CCDC88A: variants seen among roughly 807,000 people sequenced by gnomAD.
CCDC88A encodes the protein coiled-coil and HOOK domain protein 88A.
CCDC88A carries 54 observed loss-of-function variants against 234.3 expected under a neutral mutation model. That is an observed-to-expected ratio of 0.23 (90% CI 0.19 to 0.29). The LOEUF (loss-of-function observed/expected upper bound fraction) is 0.29. Ranked by LOEUF, CCDC88A falls within the 10% of genes least tolerant of loss-of-function variation. The probability of loss-of-function intolerance (pLI) is 1.00; values close to 1 mark genes in which losing one functional copy is unlikely to be tolerated. For synonymous variants in CCDC88A, 753 were observed against 737.8 expected (o/e 1.02, Z -0.33); for missense variants, 1,832 against 2,123.4 (o/e 0.86, Z 2.70).
chr2:55,354,138 T>A (rs1670251779), intron 8 of CCDC88A, among the ~76,000 whole-genome samples: 1 of 133,076 alleles, frequency 7.5e-6, no homozygotes, highest in Non-Finnish European at 1.5e-5. Flanking sequence ...AGATAAAAAA[T>A]GGTACTTTTT....
At chr2:55,308,517 A>G in intron 25 of CCDC88A, 1 of 302,496 alleles carries the variant, frequency 3.3e-6, no homozygotes, top group South Asian at 5.1e-5. Context: ...CAAAGGTAAA[A>G]GGCTTGCCCA....
intron 3 of CCDC88A, among the ~76,000 whole-genome samples, chr2:55,384,390 A>G (rs1028700474): frequency 2.7e-5 from 4 of 150,178 alleles, no homozygotes; most frequent in African/African-American, 4.9e-5. Flanking sequence ...TCCTGGCACT[A>G]GAACTATGTC....
At chr2:55,294,977 A>G (rs1679852060) in intron 31 of CCDC88A, 1 of 1,198,458 alleles carries the variant, frequency 8.3e-7, no homozygotes, top group African/African-American at 1.6e-5. Context: ...TAGCCAAATG[A>G]TATTTTGTTA....
chr2:55,370,746 G>C (rs546398059), intron 5 of CCDC88A, among the ~76,000 whole-genome samples: 1 of 150,654 alleles, frequency 6.6e-6, no homozygotes, highest in African/African-American at 2.4e-5. Context: ...GGTGGCTCAT[G>C]CCTGTAATCC....
chr2:55,386,692 G>A (rs895148493), intron 3 of CCDC88A, among the ~76,000 whole-genome samples: 16 of 151,092 alleles, frequency 1.1e-4, no homozygotes, highest in South Asian at 4.2e-4. Context: ...GGCTGGTCTC[G>A]AACTCCTGAC....
Position 55,339,446 on chromosome 2 carries a change from C to A in CCDC88A, c.1518+18G>T. On this transcript the variant is annotated intron_variant, in intron 13 of 32. Transcript: ENST00000436346. ...CAAGTTTTTTTAACATTAAAATAAACACTACATTTTAATTTACCTTTTTAC... is the reference window on the plus strand; with the variant it reads ...CAAGTTTTTTTAACATTAAAATAAAAACTACATTTTAATTTACCTTTTTAC... 1.4e-6 allele frequency: 2 copies of A among 1,464,460 alleles called. No homozygotes were observed. Among genetic ancestry groups the A allele is most frequent in the East Asian group, 2.3e-5 (1 of 42,670 alleles). 90.7% of individuals were successfully genotyped at this position (1,464,460 alleles called of 1,614,324 possible).
chr2:55,336,116 C>T (rs1685436035), intron 14 of CCDC88A, among the ~76,000 whole-genome samples: 1 of 152,022 alleles, frequency 6.6e-6, no homozygotes, highest in South Asian at 2.1e-4. Flanking sequence ...ATTGCTTGAG[C>T]CTAGGTGTTC....
In CCDC88A at chr2:55,309,214, C is replaced by T; in HGVS notation, c.4120G>A (p.Glu1374Lys). 6.4e-7 allele frequency: 1 copy of T among 1,550,626 alleles called. No individual in the cohort carries two copies. The highest frequency in any genetic ancestry group is 1.4e-5 in the African/African-American group (1 of 73,882). Residue 1374 changes from glutamate (E) to lysine (K), a missense_variant, in exon 24 of 33, where the codon GAA (glutamate) becomes AAA (lysine). Glu to Lys is a moderately conservative substitution (Grantham distance 56). This residue lies in a region of CCDC88A where 1,282 missense variants were observed against 1,543.6 expected (regional missense o/e 0.83). Coordinates refer to ENST00000436346, the MANE Select transcript of CCDC88A (RefSeq NM_001365480.1). This position sits in a 1 kb window ranked among gnomAD's most constrained non-coding sequence, Gnocchi z 5.1. ...NELRRQKEKL[E>K]EKIMDQYKFY... ...TTGTATTGATCCATAATTTTCTCTT[C>T]TAGTTTCTCCTTCTGACGTCTTAAT...
At chr2:55,400,664 G>A (rs1358275066) in intron 2 of CCDC88A, among the ~76,000 whole-genome samples, 1 of 152,148 alleles carries the variant, frequency 6.6e-6, no homozygotes, top group East Asian at 1.9e-4. Context: ...GTATGATCAA[G>A]GATTATATCT....
chr2:55,388,131 C>T (rs554570107), intron 3 of CCDC88A, among the ~76,000 whole-genome samples: 1 of 152,152 alleles, frequency 6.6e-6, no homozygotes. Context: ...CAACGACATA[C>T]TAGGCCAAGC....
At chr2:55,373,005 A>C (rs2104823995) in intron 4 of CCDC88A, among the ~76,000 whole-genome samples, 1 of 152,358 alleles carries the variant, frequency 6.6e-6, no homozygotes, top group East Asian at 1.9e-4. Flanking sequence ...CCAGAATCTT[A>C]AATGTCTGTT....
At chr2:55,370,750 G>A (rs1305071781) in intron 5 of CCDC88A, among the ~76,000 whole-genome samples, 1 of 150,126 alleles carries the variant, frequency 6.7e-6, no homozygotes, top group Admixed American at 6.7e-5. Context: ...GCTCATGCCT[G>A]TAATCCCAGT....
At position 55,413,225 on chromosome 2, in the gene CCDC88A, C is replaced by A. The variant is rs1442789386; in HGVS notation, c.164+5591G>T. 2.6e-5 allele frequency among the ~76,000 whole-genome samples: 4 copies of A among 151,832 alleles called. 1 individual carries two copies. Among genetic ancestry groups the A allele is most frequent in the African/African-American group, 7.2e-5 (3 of 41,414 alleles). ...CCTGTCTCAAAAACAAACAAACAAA[C>A]AAAAAAACTAAGCTGTGAACTATCA... is the stretch of plus-strand genomic sequence containing the variant. On this transcript the variant is annotated intron_variant, in intron 2 of 32. Transcript: ENST00000436346.
chr2:55,306,602 T>C (rs1335385568), intron 25 of CCDC88A, among the ~76,000 whole-genome samples: 3 of 152,200 alleles, frequency 2.0e-5, no homozygotes, highest in Non-Finnish European at 1.5e-5. Context: ...TTTAATTTTT[T>C]TGAGACAAAG....
intron 25 of CCDC88A, among the ~76,000 whole-genome samples, chr2:55,306,917 A>C (rs1681652938): frequency 6.6e-6 from 1 of 152,154 alleles, no homozygotes; most frequent in African/African-American, 2.4e-5. Context: ...ACCCTAAAAT[A>C]CTATGTTTCC....
intron 12 of CCDC88A, among the ~76,000 whole-genome samples, chr2:55,341,010 G>A (rs938075676): frequency 7.9e-5 from 12 of 151,930 alleles, no homozygotes; most frequent in Non-Finnish European, 1.8e-4. Context: ...CTGTTTCTAT[G>A]AGTCTGAATT....
At chr2:55,326,351 C>A (rs1473760313) in intron 17 of CCDC88A, among the ~76,000 whole-genome samples, 1 of 151,868 alleles carries the variant, frequency 6.6e-6, no homozygotes, top group Non-Finnish European at 1.5e-5. Flanking sequence ...ATTTTATCTC[C>A]CTTTTTTGGT....
chr2:55,418,880 T>G lies in CCDC88A; in HGVS notation c.100A>C (p.Thr34Pro). The G allele has an allele frequency of 6.2e-7, 1 of 1,614,110 alleles. No individual in the cohort carries two copies. Among genetic ancestry groups the G allele is most frequent in the Non-Finnish European group, 8.5e-7 (1 of 1,180,002 alleles). ...AAAGCCACATATTCATCAAGGTTGGTCCCATTTCCTGCGGCCAGAGGTCCA... is the reference window on the plus strand; with the variant it reads ...AAAGCCACATATTCATCAAGGTTGGGCCCATTTCCTGCGGCCAGAGGTCCA... ...TFGPLAAGNGTNLDEYVALVD... is the reference protein window; with the variant it reads ...TFGPLAAGNGPNLDEYVALVD... Residue 34 changes from threonine to proline, a missense_variant, in exon 2 of 33, where the codon ACC (threonine) becomes CCC (proline). By Grantham distance (38) the Thr-to-Pro change is conservative. Transcript: ENST00000436346.
intron 2 of CCDC88A, among the ~76,000 whole-genome samples, chr2:55,409,272 T>C (rs926113477): frequency 6.6e-6 from 1 of 152,216 alleles, no homozygotes; most frequent in African/African-American, 2.4e-5. Context: ...GCTATTTTCT[T>C]TGCTTAAAAT....
Sources: allele counts gnomAD v4.1 joint callset (sites outside exome capture counted in the v4.1 genomes callset), GRCh38; gene constraint gnomAD v4.1.1; regional missense constraint gnomAD v4.1.1; non-coding constraint Gnocchi (gnomAD v3.1); transcripts MANE v1.5; gene names NCBI Gene and HGNC (gene_info 2026-07-23, HGNC 2026-07-21).